Variants in FAM76A observed in about 807,000 individuals in gnomAD.
FAM76A encodes the protein family with sequence similarity 76 member A.
In FAM76A, 32 loss-of-function variants were observed where a neutral mutation model predicts 46.2. The ratio of observed to expected loss-of-function variants is 0.69; its 90% CI spans 0.52 to 0.93. The LOEUF (loss-of-function observed/expected upper bound fraction) is 0.93, where lower values mean the gene tolerates loss of function less well. FAM76A is among the 40% of genes least tolerant of loss of function. FAM76A has a pLI of 0.00. For synonymous variants in FAM76A, 137 were observed against 127.0 expected, an observed-to-expected ratio of 1.08 and a Z score of -0.53; for missense variants, 274 against 361.5, an observed-to-expected ratio of 0.76 and a Z score of 1.96.
At chr1:27,736,952 TTGTTGTTGTTTGAGACGGAGTTTCGC>T (rs2088056961) in intron 4 of FAM76A, among the ~76,000 whole-genome samples, 1 of 151,786 alleles carries the variant, frequency 6.6e-6, no homozygotes, top group Non-Finnish European at 1.5e-5. Context: ...CTTTTTGTTG[TTGTTGTTGTTTGAGACGGAGTTTCGC>T]TGTTGTTGTT....
intron 8 of FAM76A, 153 bp downstream of exon 8, chr1:27,759,780 T>TTTTTTTGTTTTTTG (rs2088475131): frequency 4.0e-6 from 2 of 499,572 alleles, no homozygotes; most frequent in African/African-American, 5.7e-5. Flanking sequence ...TTTTTTTTTG[T>TTTTTTTGTTTTTTG]TTTTTTTTTG....
At chr1:27,726,187 G>A (rs753005255) in intron 1 of FAM76A, 26 bp downstream of exon 1, 2 of 1,267,622 alleles carry the variant, frequency 1.6e-6, no homozygotes, top group East Asian at 3.0e-5. Flanking sequence ...CGGCGGCCGG[G>A]AACTGGGGAC....
intron 1 of FAM76A, 57 bp downstream of exon 1, chr1:27,726,218 C>T: frequency 8.1e-7 from 1 of 1,232,366 alleles, no homozygotes; most frequent in African/African-American, 1.6e-5. Context: ...CGGCCCGGAG[C>T]TCCAGATTCT....
intron 4 of FAM76A, among the ~76,000 whole-genome samples, chr1:27,741,701 T>C (rs903722626): frequency 1.3e-5 from 2 of 151,782 alleles, no homozygotes; most frequent in Non-Finnish European, 2.9e-5. Context: ...GCCAACGTGG[T>C]GAAACCCCAT....
intron 8 of FAM76A, 129 bp from the exon 9 acceptor site, chr1:27,760,366 C>A: frequency 1.5e-6 from 1 of 658,064 alleles, no homozygotes. Context: ...TTGTTTTCCA[C>A]CTCTAGAATT....
intron 4 of FAM76A, 150 bp from the exon 5 acceptor site, chr1:27,744,504 T>G: frequency 1.4e-6 from 1 of 739,662 alleles, no homozygotes; most frequent in Non-Finnish European, 2.3e-6. Flanking sequence ...TGTCACTAGA[T>G]CCTTGTAGCA....
In FAM76A at chr1:27,727,476, G is replaced by T. The variant is rs2087880041; in HGVS notation, c.86G>T (p.Cys29Phe). ...TATATCCTCATTTCATTTCAGGAAT[G>T]TCGGATTGCACACCCTGTTGTGAAG... ...LSQGQQLCKECRIAHPVVKCT... is the reference protein window; with the variant it reads ...LSQGQQLCKEFRIAHPVVKCT... Residue 29 changes from cysteine (C) to phenylalanine (F), a missense_variant, in exon 2 of 9, where the codon TGT becomes TTT. By Grantham distance (205) the Cys-to-Phe change is radical (BLOSUM62 -2). Coordinates refer to ENST00000373954, the MANE Select transcript of FAM76A (RefSeq NM_152660.3). The T allele has an allele frequency of 3.1e-6, 5 of 1,613,570 alleles. No homozygotes were observed. The highest frequency in any genetic ancestry group is 4.2e-6 in the Non-Finnish European group (5 of 1,179,562).
chr1:27,759,666 A>C, intron 8 of FAM76A, 39 bp downstream of exon 8: 1 of 1,379,364 alleles, frequency 7.2e-7, no homozygotes, highest in Non-Finnish European at 1.0e-6. Context: ...AAAATTGTGT[A>C]CCTACCTGGT....
At chr1:27,734,634 T>G (rs1284437103) in intron 4 of FAM76A, among the ~76,000 whole-genome samples, 1 of 152,226 alleles carries the variant, frequency 6.6e-6, no homozygotes, top group African/African-American at 2.4e-5. Context: ...AAAGAAGATA[T>G]TCATATTTTG....
intron 1 of FAM76A, among the ~76,000 whole-genome samples, chr1:27,726,705 A>G (rs1171223575): frequency 6.6e-6 from 1 of 151,978 alleles, no homozygotes; most frequent in Non-Finnish European, 1.5e-5. Flanking sequence ...TGTTTTAAAA[A>G]AGCCCCACAG....
chr1:27,737,865 CAACAAAAAAAA>C (rs1248621965), intron 4 of FAM76A, among the ~76,000 whole-genome samples: 4 of 34,260 alleles, frequency 1.2e-4, no homozygotes, highest in Admixed American at 3.0e-4. Flanking sequence ...ACAACAACAA[CAACAAAAAAAA>C]AAAAAAAAAA....
At chr1:27,739,622 A>G (rs957198358) in intron 4 of FAM76A, among the ~76,000 whole-genome samples, 2 of 152,120 alleles carry the variant, frequency 1.3e-5, no homozygotes, top group Middle Eastern at 3.2e-3. Context: ...GCCCGTCTCT[A>G]TAAAAAATAC....
intron 6 of FAM76A, among the ~76,000 whole-genome samples, chr1:27,749,381 T>A (rs1406101080): frequency 6.6e-6 from 1 of 152,194 alleles, no homozygotes; most frequent in Non-Finnish European, 1.5e-5. Context: ...ATTATAATTT[T>A]TTTTAAGAGA....
At chr1:27,760,361 T>C in intron 8 of FAM76A, 134 bp from the exon 9 acceptor site, 1 of 636,638 alleles carries the variant, frequency 1.6e-6, no homozygotes, top group Non-Finnish European at 2.6e-6. Context: ...TCCTGTTGTT[T>C]TCCACCTCTA....
At chr1:27,755,417 A>G in intron 7 of FAM76A, 87 bp downstream of exon 7, 1 of 1,514,080 alleles carries the variant, frequency 6.6e-7, no homozygotes, top group Non-Finnish European at 9.1e-7. Context: ...TTTTTAACTG[A>G]TGTTTGTTGA....
chr1:27,740,604 C>A, intron 4 of FAM76A: 1 of 776,014 alleles, frequency 1.3e-6, no homozygotes, highest in Non-Finnish European at 2.1e-6. Flanking sequence ...TCAGAAGCCA[C>A]TCAAAAACAT....
At chr1:27,731,526 G>C (rs1056868464) in intron 2 of FAM76A, among the ~76,000 whole-genome samples, 1 of 152,014 alleles carries the variant, frequency 6.6e-6, no homozygotes, top group Non-Finnish European at 1.5e-5. Context: ...CAAAATATTT[G>C]ATCATAGTGT....
intron 4 of FAM76A, among the ~76,000 whole-genome samples, chr1:27,741,094 T>C (rs2088143863): frequency 6.6e-6 from 1 of 150,664 alleles, no homozygotes; most frequent in Non-Finnish European, 1.5e-5. Flanking sequence ...ATCACGCCAT[T>C]GCACTCCAGC....
intron 6 of FAM76A, among the ~76,000 whole-genome samples, chr1:27,754,089 AC>A (rs1249339124): frequency 6.7e-6 from 1 of 149,508 alleles, no homozygotes; most frequent in Non-Finnish European, 1.5e-5. Flanking sequence ...ATTTCCTGAA[AC>A]TATCCCTTCT....
Sources: gnomAD v4.1 joint callset for allele counts (sites outside exome capture counted in the v4.1 genomes callset) on GRCh38, gnomAD v4.1.1 for gene constraint, MANE v1.5 for transcripts, NCBI Gene and HGNC (gene_info 2026-07-23, HGNC 2026-07-21) for gene names.